The following TYW1B variants were observed in gnomAD, a reference collection of about 807,000 sequenced individuals.
The protein encoded by TYW1B is S-adenosyl-L-methionine-dependent tRNA 4-demethylwyosine synthase TYW1B.
In TYW1B, 73 loss-of-function variants were observed where a neutral mutation model predicts 86.9. The observed-to-expected ratio is 0.84, with a 90% CI of 0.70 to 1.02. TYW1B has a LOEUF of 1.02. TYW1B is among the 50% of genes least tolerant of loss of function. The pLI is 0.00. For missense variants in TYW1B, 637 were observed against 827.4 expected (o/e 0.77, Z 2.82); for synonymous variants, 248 against 292.8 (o/e 0.85, Z 1.56).
At chr7:72,607,413 A>T (rs1188827571) in intron 13 of TYW1B, among the ~76,000 whole-genome samples, 2 of 150,734 alleles carry the variant, frequency 1.3e-5, no homozygotes, top group Non-Finnish European at 3.0e-5. Context: ...AAAAAAAGAA[A>T]AGAAGAAGAA....
chr7:72,623,549 T>C (rs1554438315), intron 12 of TYW1B, among the ~76,000 whole-genome samples: 1 of 152,140 alleles, frequency 6.6e-6, no homozygotes, highest in African/African-American at 2.4e-5. Flanking sequence ...AAGGGCCTAG[T>C]CTTCTGTCCT....
At chr7:72,823,613 C>T (rs1788873088) in intron 2 of TYW1B, among the ~76,000 whole-genome samples, 1 of 151,318 alleles carries the variant, frequency 6.6e-6, no homozygotes, top group Admixed American at 6.6e-5. Flanking sequence ...AGGGAGACTC[C>T]ATCTCAAAAA....
intron 2 of TYW1B, among the ~76,000 whole-genome samples, chr7:72,821,965 G>A (rs1416852668): frequency 6.6e-6 from 1 of 151,656 alleles, no homozygotes; most frequent in Admixed American, 6.6e-5. Flanking sequence ...AGAAATTTAG[G>A]GCCAGGCACG....
intron 13 of TYW1B, among the ~76,000 whole-genome samples, chr7:72,615,783 A>G (rs1460938557): frequency 6.6e-6 from 1 of 152,158 alleles, no homozygotes; most frequent in Middle Eastern, 3.2e-3. Context: ...ATACAATTAA[A>G]AAAACATAAA....
chr7:72,603,340 A>G (rs1386560533), intron 13 of TYW1B, among the ~76,000 whole-genome samples: 2 of 152,030 alleles, frequency 1.3e-5, no homozygotes, highest in Non-Finnish European at 2.9e-5. Flanking sequence ...GGATGGATGG[A>G]TGGATGGATG....
chr7:72,681,075 AG>A (rs1813862445), intron 11 of TYW1B, among the ~76,000 whole-genome samples: 1 of 152,200 alleles, frequency 6.6e-6, no homozygotes, highest in African/African-American at 2.4e-5. Context: ...TTCACAGGTG[AG>A]AAAAGTGAGT....
At chr7:72,827,463 A>G (rs1389664393) in intron 1 of TYW1B, among the ~76,000 whole-genome samples, 1 of 152,196 alleles carries the variant, frequency 6.6e-6, no homozygotes, top group Non-Finnish European at 1.5e-5. Flanking sequence ...GTAGTAACGT[A>G]ATAAAATTAT....
chr7:72,756,080 T>C lies in TYW1B; in HGVS notation c.965-11479A>G, dbSNP rs564176447. Among the ~76,000 whole-genome samples the C allele has an allele frequency of 2.0e-4, 30 of 152,232 alleles. 2 individuals are homozygous for C. The South Asian group carries it at 6.2e-3, about 32-fold the overall frequency. ...TGTAGAAATGGAGAGTGAAACATAG[T>C]CAGCAGAAGGGAACATAAGTATGAA... On this transcript the variant is annotated intron_variant, in intron 7 of 13. Coordinates refer to ENST00000620995, the MANE Select transcript of TYW1B (RefSeq NM_001145440.3).
At chr7:72,709,162 A>AAC (rs1486293178) in intron 10 of TYW1B, among the ~76,000 whole-genome samples, 8 of 152,326 alleles carry the variant, frequency 5.3e-5, no homozygotes, top group African/African-American at 1.4e-4. Context: ...TGCAGATCTC[A>AAC]GACTTGCTTT....
intron 10 of TYW1B, among the ~76,000 whole-genome samples, chr7:72,705,706 C>T (rs1291574251): frequency 6.6e-6 from 1 of 152,204 alleles, no homozygotes; most frequent in African/African-American, 2.4e-5. Context: ...AACTCTGGCA[C>T]ACTCATGAAG....
At chr7:72,807,899 C>T (rs1162298722) in intron 4 of TYW1B, among the ~76,000 whole-genome samples, 1 of 152,080 alleles carries the variant, frequency 6.6e-6, no homozygotes, top group Non-Finnish European at 1.5e-5. Flanking sequence ...AGTGGCAAGG[C>T]ATTAAACAAA....
chr7:72,595,938 G>C (rs1459448794), intron 13 of TYW1B, among the ~76,000 whole-genome samples: 1 of 151,916 alleles, frequency 6.6e-6, no homozygotes, highest in African/African-American at 2.4e-5. Flanking sequence ...CATTTTGGGA[G>C]GCCAAGGCAG....
At chr7:72,638,713 T>G (rs1200160899) in intron 11 of TYW1B, among the ~76,000 whole-genome samples, 2 of 152,134 alleles carry the variant, frequency 1.3e-5, no homozygotes, top group African/African-American at 4.8e-5. Context: ...AAGAAAGAAA[T>G]AAAACGGTCT....
intron 11 of TYW1B, among the ~76,000 whole-genome samples, chr7:72,638,089 A>G (rs1435789855): frequency 6.7e-6 from 1 of 149,862 alleles, no homozygotes; most frequent in African/African-American, 2.4e-5. Flanking sequence ...GTAATGGGGG[A>G]AAAAAACACA....
intron 11 of TYW1B, among the ~76,000 whole-genome samples, chr7:72,681,851 C>T (rs1813882504): frequency 6.6e-6 from 1 of 151,710 alleles, no homozygotes; most frequent in African/African-American, 2.4e-5. Flanking sequence ...TCCCAAAGTG[C>T]CGGGATTCCA....
intron 11 of TYW1B, among the ~76,000 whole-genome samples, chr7:72,662,283 C>G (rs1389524026): frequency 4.6e-5 from 7 of 152,184 alleles, no homozygotes; most frequent in Admixed American, 2.6e-4. Flanking sequence ...ATGGAGTCAA[C>G]AGATAACAGT....
intron 13 of TYW1B, among the ~76,000 whole-genome samples, chr7:72,580,837 G>T (rs1286672691): frequency 1.3e-5 from 2 of 148,334 alleles, no homozygotes; most frequent in South Asian, 2.2e-4. Flanking sequence ...AAGCTACCAG[G>T]AGAGGAGAAA....
In TYW1B at chr7:72,776,405, G is replaced by A. The variant is rs1179707598; in HGVS notation, c.964+1011C>T. Among the ~76,000 whole-genome samples, 9 of 151,532 alleles carry A rather than the reference G, an allele frequency of 5.9e-5. No individual in the cohort carries two copies. The South Asian group carries it at 1.3e-3, about 21-fold the overall frequency. ...TCAAGACCAGCATGGCCAACATGGC[G>A]AAAAAATTAGCTGAGCATGGTGACA... On this transcript the variant is annotated intron_variant, in intron 7 of 13. Coordinates refer to ENST00000620995, the MANE Select transcript of TYW1B (RefSeq NM_001145440.3).
chr7:72,645,911 C>A (rs111883879), intron 11 of TYW1B, among the ~76,000 whole-genome samples: 1 of 149,436 alleles, frequency 6.7e-6, no homozygotes, highest in Admixed American at 6.7e-5. Flanking sequence ...GTATGGTATA[C>A]TCCAATTAAA....
Sources: allele counts gnomAD v4.1 joint callset (sites outside exome capture counted in the v4.1 genomes callset), GRCh38; gene constraint gnomAD v4.1.1; transcripts MANE v1.5; gene names NCBI Gene and HGNC (gene_info 2026-07-23, HGNC 2026-07-21).